DTNBP1: variants seen among roughly 807,000 people sequenced by gnomAD.
The protein encoded by DTNBP1 is dysbindin.
DTNBP1 carries 35 observed loss-of-function variants against 42.8 expected under a neutral mutation model. The ratio of observed to expected loss-of-function variants is 0.82; its 90% CI spans 0.63 to 1.09. The LOEUF (loss-of-function observed/expected upper bound fraction) is 1.09, where lower values mean the gene tolerates loss of function less well. Among genes scored for constraint, DTNBP1 ranks in the 50% least tolerant of loss-of-function variants. The pLI, the probability that DTNBP1 is intolerant of heterozygous loss-of-function variation, is 0.00. For missense variants in DTNBP1, 457 were observed against 424.2 expected, an observed-to-expected ratio of 1.08 and a Z score of -0.68; for synonymous variants, 171 against 162.2, an observed-to-expected ratio of 1.05 and a Z score of -0.41.
At chr6:15,610,691 T>C (rs975113990) in intron 6 of DTNBP1, among the ~76,000 whole-genome samples, 3 of 152,148 alleles carry the variant, frequency 2.0e-5, no homozygotes, top group Admixed American at 1.3e-4. Context: ...CCGTATTGCT[T>C]ATATGGAGAA....
chr6:15,529,839 A>C (rs1185513671), intron 8 of DTNBP1, among the ~76,000 whole-genome samples: 2 of 152,280 alleles, frequency 1.3e-5, no homozygotes, highest in Non-Finnish European at 2.9e-5. Context: ...CTAGGGCCTT[A>C]CAAAACATCT....
chr6:15,549,513 A>G (rs1157566939), intron 7 of DTNBP1, among the ~76,000 whole-genome samples: 65 of 150,944 alleles, frequency 4.3e-4, no homozygotes, highest in Non-Finnish European at 2.8e-4. Context: ...AAAAAAAAAA[A>G]AAAAGGGAAC....
intron 3 of DTNBP1, among the ~76,000 whole-genome samples, chr6:15,644,175 T>TAAA (rs35859847): frequency 7.6e-6 from 1 of 132,104 alleles, no homozygotes; most frequent in Non-Finnish European, 1.6e-5. Flanking sequence ...CAAGAACAGT[T>TAAA]AAAAAAAAAA....
intron 8 of DTNBP1, among the ~76,000 whole-genome samples, chr6:15,525,983 C>T (rs1423167401): frequency 6.6e-6 from 1 of 152,166 alleles, no homozygotes; most frequent in African/African-American, 2.4e-5. Context: ...GACAAAGGCT[C>T]TCTAAAAGGC....
At chr6:15,651,498 A>G in intron 2 of DTNBP1, 135 bp from the exon 3 acceptor site, 1 of 1,242,582 alleles carries the variant, frequency 8.0e-7, no homozygotes, top group South Asian at 1.3e-5. Flanking sequence ...TTAAACTTTT[A>G]GAGAAATGTG....
intron 5 of DTNBP1, among the ~76,000 whole-genome samples, chr6:15,617,685 A>T (rs191700835): frequency 6.6e-6 from 1 of 152,334 alleles, no homozygotes; most frequent in African/African-American, 2.4e-5. Context: ...CAGAAGAATG[A>T]AACTAGACCC....
At chr6:15,567,955 A>G (rs1775171331) in intron 7 of DTNBP1, among the ~76,000 whole-genome samples, 1 of 152,188 alleles carries the variant, frequency 6.6e-6, no homozygotes, top group Non-Finnish European at 1.5e-5. Flanking sequence ...TATGCGGATT[A>G]ATGATAATAT....
chr6:15,588,947 A>G (rs909994736), intron 7 of DTNBP1, among the ~76,000 whole-genome samples: 14 of 152,186 alleles, frequency 9.2e-5, no homozygotes, highest in Admixed American at 3.3e-4. Context: ...TTCAAATTAT[A>G]TATTTGCCTT....
intron 1 of DTNBP1, 22 bp from the exon 2 acceptor site, chr6:15,652,162 A>T: frequency 6.5e-7 from 1 of 1,539,658 alleles, no homozygotes; most frequent in African/African-American, 1.4e-5. Context: ...TATAAAATAT[A>T]ATATTTTTAC....
chr6:15,599,321 T>G (rs1388388459), intron 6 of DTNBP1, among the ~76,000 whole-genome samples: 1 of 152,176 alleles, frequency 6.6e-6, no homozygotes, highest in Non-Finnish European at 1.5e-5. Context: ...ATTACCTAAC[T>G]GTAGGTATCA....
At chr6:15,540,070 T>A (rs931868022) in intron 7 of DTNBP1, among the ~76,000 whole-genome samples, 3 of 152,208 alleles carry the variant, frequency 2.0e-5, no homozygotes, top group Admixed American at 6.5e-5. Flanking sequence ...ACACCAAATA[T>A]TACCAAGAAC....
intron 4 of DTNBP1, among the ~76,000 whole-genome samples, chr6:15,628,115 A>G (rs538774907): frequency 1.5e-3 from 231 of 152,314 alleles, no homozygotes; most frequent in South Asian, 5.6e-3. Flanking sequence ...AGATAATTCT[A>G]ACTTCTTTTG....
intron 3 of DTNBP1, among the ~76,000 whole-genome samples, chr6:15,650,086 A>G (rs1199803879): frequency 6.6e-6 from 1 of 152,176 alleles, no homozygotes; most frequent in Non-Finnish European, 1.5e-5. Context: ...CAACCATAAA[A>G]AGAAACCTAA....
At chr6:15,612,487 C>T (rs1473825831) in intron 6 of DTNBP1, among the ~76,000 whole-genome samples, 4 of 152,140 alleles carry the variant, frequency 2.6e-5, no homozygotes, top group African/African-American at 4.8e-5. Context: ...AGAAAAATCA[C>T]AATATTCATA....
chr6:15,561,535 T>G (rs1471642899), intron 7 of DTNBP1, among the ~76,000 whole-genome samples: 1 of 152,206 alleles, frequency 6.6e-6, no homozygotes, highest in African/African-American at 2.4e-5. Context: ...ATACAAGAGA[T>G]GCTAATAGTT....
Position 15,523,160 on chromosome 6 carries a change from A to G in DTNBP1, c.871T>C (p.Leu291=), listed in dbSNP as rs769028255. ...GAAGAAGAAGGTGGCTTGGCTCTTA[A>G]TTCTGAGGGATTTGGAACCTGGAGG... is the stretch of plus-strand genomic sequence containing the variant. ...ITLQVPNPSE[L]RAKPPSSSST... is the part of the protein sequence containing the mutation. Residue 291 remains leucine, a synonymous_variant, in exon 10 of 10, where the codon TTA becomes CTA. Coordinates refer to ENST00000344537, the MANE Select transcript of DTNBP1 (RefSeq NM_032122.5). 1.2e-6 allele frequency: 2 copies of G among 1,614,264 alleles called. No homozygotes were observed. The highest frequency in any genetic ancestry group is 1.7e-6 in the Non-Finnish European group (2 of 1,180,060).
At position 15,585,614 on chromosome 6, in the gene DTNBP1, T is replaced by C. The variant is rs369794010; in HGVS notation, c.511+7445A>G. 9.3e-6 allele frequency: 12 copies of C among 1,286,556 alleles called. 1 individual carries two copies. The African/African-American group carries it at 1.8e-4, about 19-fold the overall frequency. 79.7% of individuals were successfully genotyped at this position (1,286,556 alleles called of 1,614,324 possible). On this transcript the variant is annotated intron_variant, in intron 7 of 9. Coordinates refer to ENST00000344537, the MANE Select transcript of DTNBP1 (RefSeq NM_032122.5). ...AAATTTAATTTCTGCTTTTTAATAA[T>C]ATATCATCTGCATACCATGCAAATA... is the stretch of plus-strand genomic sequence containing the variant.
At chr6:15,645,409 AGAG>A (rs1760618011) in intron 3 of DTNBP1, among the ~76,000 whole-genome samples, 1 of 152,134 alleles carries the variant, frequency 6.6e-6, no homozygotes, top group Non-Finnish European at 1.5e-5. Flanking sequence ...AAAATTGAAG[AGAG>A]GAGATTTCTC....
At chr6:15,637,664 T>A in intron 4 of DTNBP1, 80 bp downstream of exon 4, 4 of 1,458,136 alleles carry the variant, frequency 2.7e-6, no homozygotes, top group Non-Finnish European at 3.8e-6. Flanking sequence ...CAAACAATTA[T>A]AAATTCAATT....
Sources: gnomAD v4.1 joint callset for allele counts (sites outside exome capture counted in the v4.1 genomes callset) on GRCh38, gnomAD v4.1.1 for gene constraint, MANE v1.5 for transcripts, NCBI Gene and HGNC (gene_info 2026-07-23, HGNC 2026-07-21) for gene names.